REDIC1: variants seen among roughly 807,000 people sequenced by gnomAD.
The protein encoded by REDIC1 is HEI10 Interacting Protein 1.
the REDIC1 span, among the ~76,000 whole-genome samples, chr12:39,855,693 A>G: frequency 6.6e-6 from 1 of 152,190 alleles, no homozygotes; most frequent in East Asian, 1.9e-4. Flanking sequence ...CTAAAGTACT[A>G]TATTCTTCGA....
the REDIC1 span, among the ~76,000 whole-genome samples, chr12:39,655,328 A>G: frequency 6.6e-6 from 1 of 152,026 alleles, no homozygotes; most frequent in African/African-American, 2.4e-5. Flanking sequence ...CTGATTTTAT[A>G]TCTTTCTCTT....
the REDIC1 span, among the ~76,000 whole-genome samples, chr12:39,649,321 C>G: frequency 6.6e-6 from 1 of 151,750 alleles, no homozygotes; most frequent in East Asian, 1.9e-4. Flanking sequence ...TTATAAAATA[C>G]AAAAGAAAAT....
chr12:39,796,581 G>A, the REDIC1 span, among the ~76,000 whole-genome samples: 212 of 152,096 alleles, frequency 1.4e-3, 3 homozygotes, highest in African/African-American at 4.8e-3. Flanking sequence ...CCTAGTGATA[G>A]TGAGCTGGCA....
At chr12:39,734,155 G>C in the REDIC1 span, among the ~76,000 whole-genome samples, 1 of 152,196 alleles carries the variant, frequency 6.6e-6, no homozygotes, top group Non-Finnish European at 1.5e-5. Context: ...CCCTTGACTA[G>C]GGGAGGGAGT....
chr12:39,772,351 C>A, the REDIC1 span, among the ~76,000 whole-genome samples: 1 of 152,136 alleles, frequency 6.6e-6, no homozygotes, highest in Non-Finnish European at 1.5e-5. Flanking sequence ...AAGGTGATAA[C>A]TGCTTGGCAC....
At chr12:39,813,952 G>A in the REDIC1 span, among the ~76,000 whole-genome samples, 2 of 152,150 alleles carry the variant, frequency 1.3e-5, no homozygotes, top group African/African-American at 4.8e-5. Context: ...TCCACATTTC[G>A]AAAGTTTCAA....
the REDIC1 span, among the ~76,000 whole-genome samples, chr12:39,835,932 G>C: frequency 6.6e-6 from 1 of 152,112 alleles, no homozygotes; most frequent in African/African-American, 2.4e-5. Context: ...GCTGAGCCTG[G>C]TTTTTAAATT....
the REDIC1 span, among the ~76,000 whole-genome samples, chr12:39,806,454 T>C: frequency 6.6e-6 from 1 of 152,208 alleles, no homozygotes; most frequent in African/African-American, 2.4e-5. Flanking sequence ...ACAGGATATA[T>C]ATTTTCCCTG....
chr12:39,851,996 T>G, the REDIC1 span, among the ~76,000 whole-genome samples: 1 of 152,180 alleles, frequency 6.6e-6, no homozygotes, highest in African/African-American at 2.4e-5. Context: ...CACAGAACAA[T>G]GCAATGTTGG....
the REDIC1 span, among the ~76,000 whole-genome samples, chr12:39,869,796 T>C: frequency 5.5e-3 from 843 of 152,340 alleles, 10 homozygotes; most frequent in African/African-American, 0.019. Context: ...GCTTTTGCAC[T>C]AAGTTTGTTC....
the REDIC1 span, among the ~76,000 whole-genome samples, chr12:39,874,513 G>A: frequency 2.0e-5 from 3 of 151,546 alleles, no homozygotes; most frequent in Admixed American, 6.6e-5. Flanking sequence ...TACTCAGGAG[G>A]CTAAGGCAGG....
At chr12:39,868,649 G>A in the REDIC1 span, among the ~76,000 whole-genome samples, 1 of 152,182 alleles carries the variant, frequency 6.6e-6, no homozygotes, top group East Asian at 1.9e-4. Flanking sequence ...ATACATGAGG[G>A]GGGAAAAACA....
the REDIC1 span, among the ~76,000 whole-genome samples, chr12:39,754,670 T>C: frequency 6.6e-6 from 1 of 152,118 alleles, no homozygotes; most frequent in South Asian, 2.1e-4. Flanking sequence ...ATTGTTCATT[T>C]TCACTTACAG....
chr12:39,905,196 A>T, the REDIC1 span, among the ~76,000 whole-genome samples: 2 of 152,140 alleles, frequency 1.3e-5, no homozygotes, highest in African/African-American at 4.8e-5. Flanking sequence ...TAATACTCTG[A>T]ACACTGTACT....
chr12:39,696,474 C>T, the REDIC1 span, among the ~76,000 whole-genome samples: 72 of 125,242 alleles, frequency 5.7e-4, no homozygotes, highest in African/African-American at 1.8e-3. Flanking sequence ...ACCCGGGAGG[C>T]GGAGCTTGCA....
At chr12:39,887,797 C>T in the REDIC1 span, among the ~76,000 whole-genome samples, 1 of 152,174 alleles carries the variant, frequency 6.6e-6, no homozygotes, top group Admixed American at 6.5e-5. Context: ...GTGACAGTAT[C>T]ACTGATGTAG....
the REDIC1 span, among the ~76,000 whole-genome samples, chr12:39,703,460 C>T: frequency 3.3e-5 from 5 of 150,530 alleles, no homozygotes; most frequent in Middle Eastern, 0.01. Context: ...GAAGAACATT[C>T]CATGCTCATG....
the REDIC1 span, among the ~76,000 whole-genome samples, chr12:39,665,980 A>C: frequency 6.6e-6 from 1 of 152,280 alleles, no homozygotes; most frequent in Admixed American, 6.5e-5. Flanking sequence ...AGCTGAGACG[A>C]TGGGGTTTTC....
chr12:39,671,084 G>A, the REDIC1 span, among the ~76,000 whole-genome samples: 2 of 152,124 alleles, frequency 1.3e-5, no homozygotes, highest in African/African-American at 2.4e-5. Flanking sequence ...GTGTTCTTTT[G>A]AAGGTGCCAT....
Sources: gnomAD v4.1 joint callset for allele counts (sites outside exome capture counted in the v4.1 genomes callset) on GRCh38, gnomAD v4.1.1 for gene constraint, MANE v1.5 for transcripts, NCBI Gene and HGNC (gene_info 2026-07-23, HGNC 2026-07-21) for gene names.